Variants in FHIT observed in about 807,000 individuals in gnomAD.
FHIT encodes bis(5'-adenosyl)-triphosphatase.
In FHIT, 19 loss-of-function variants were observed where a neutral mutation model predicts 17.9. The observed-to-expected ratio is 1.06, with a 90% CI of 0.74 to 1.56. FHIT has a LOEUF of 1.56. FHIT is among the 40% of genes most tolerant of loss of function. The pLI is 0.00. For missense variants in FHIT, 248 were observed against 189.2 expected, an observed-to-expected ratio of 1.31 and a Z score of -1.82; for synonymous variants, 81 against 69.7, an observed-to-expected ratio of 1.16 and a Z score of -0.81.
intron 2 of FHIT, among the ~76,000 whole-genome samples, chr3:61,127,407 T>G (rs536293238): frequency 1.3e-5 from 2 of 152,256 alleles, no homozygotes; most frequent in South Asian, 4.2e-4. Context: ...CTCCAATTCT[T>G]AAACAGCAGA....
intron 8 of FHIT, among the ~76,000 whole-genome samples, chr3:59,805,805 G>A (rs750783097): frequency 2.0e-5 from 3 of 152,102 alleles, no homozygotes; most frequent in African/African-American, 4.8e-5. Context: ...TTCAATGAGG[G>A]TTAACCATGT....
At chr3:60,017,244 C>T (rs1042914833) in intron 5 of FHIT, among the ~76,000 whole-genome samples, 3 of 152,066 alleles carry the variant, frequency 2.0e-5, no homozygotes, top group Non-Finnish European at 4.4e-5. Flanking sequence ...AAACACCTAA[C>T]CTTGGAAAAA....
chr3:60,722,758 G>A (rs1243651936), intron 4 of FHIT, among the ~76,000 whole-genome samples: 1 of 144,998 alleles, frequency 6.9e-6, no homozygotes, highest in South Asian at 2.2e-4. Context: ...TGTTGACCAG[G>A]CTGGAATGCA....
At chr3:61,209,376 T>G (rs1345731405) in intron 1 of FHIT, among the ~76,000 whole-genome samples, 3 of 152,222 alleles carry the variant, frequency 2.0e-5, no homozygotes, top group African/African-American at 7.2e-5. Context: ...CTTGCTAGAT[T>G]GGGGAAGTTC....
chr3:60,541,342 G>C (rs1233040817), intron 4 of FHIT, among the ~76,000 whole-genome samples: 2 of 152,156 alleles, frequency 1.3e-5, no homozygotes, highest in African/African-American at 4.8e-5. Flanking sequence ...CAAGAATAAA[G>C]ATGGCAAATC....
chr3:60,681,391 T>C (rs1180890612), intron 4 of FHIT, among the ~76,000 whole-genome samples: 1 of 152,128 alleles, frequency 6.6e-6, no homozygotes, highest in East Asian at 1.9e-4. Flanking sequence ...GCTTCCCTAT[T>C]CCCTGAGACA....
At chr3:60,699,492 T>A (rs1347572636) in intron 4 of FHIT, among the ~76,000 whole-genome samples, 1 of 152,174 alleles carries the variant, frequency 6.6e-6, no homozygotes, top group African/African-American at 2.4e-5. Context: ...TTTACTGGTG[T>A]TTTATAACTC....
intron 5 of FHIT, among the ~76,000 whole-genome samples, chr3:60,464,982 TGA>T (rs1381832675): frequency 1.3e-5 from 2 of 152,168 alleles, no homozygotes; most frequent in African/African-American, 4.8e-5. Context: ...CAACAATGTA[TGA>T]GAGTTCACTT....
intron 3 of FHIT, among the ~76,000 whole-genome samples, chr3:60,867,287 C>T (rs1005348351): frequency 4.6e-5 from 7 of 152,144 alleles, no homozygotes; most frequent in African/African-American, 1.2e-4. Flanking sequence ...AAAAATATAG[C>T]TTGTCTGTTT....
intron 4 of FHIT, among the ~76,000 whole-genome samples, chr3:60,722,075 G>T (rs555440796): frequency 2.6e-5 from 4 of 152,168 alleles, no homozygotes; most frequent in Non-Finnish European, 5.9e-5. Flanking sequence ...AATACGAAAG[G>T]CTCAGAGATG....
At chr3:59,961,872 C>T (rs1707703115) in intron 7 of FHIT, among the ~76,000 whole-genome samples, 1 of 150,320 alleles carries the variant, frequency 6.7e-6, no homozygotes, top group South Asian at 2.1e-4. Flanking sequence ...ATCTTGACAG[C>T]CACCACCCCA....
intron 8 of FHIT, among the ~76,000 whole-genome samples, chr3:59,829,420 G>A (rs1701087780): frequency 6.6e-6 from 1 of 152,166 alleles, no homozygotes; most frequent in Non-Finnish European, 1.5e-5. Flanking sequence ...AGCCCAGGGA[G>A]CCCTCGAACT....
rs182426714 is a variant in FHIT at position 60,504,078 on chromosome 3, G to T, written c.103+32782C>A. ...CAAATGACCAGAAAAAAAGAATTGT[G>T]AAGTATATTCTCTAAATATAAGCAT... On this transcript the variant is annotated intron_variant, in intron 5 of 9. Coordinates refer to ENST00000492590, the MANE Select transcript of FHIT (RefSeq NM_002012.4). 1.2e-3 allele frequency among the ~76,000 whole-genome samples: 184 copies of T among 152,234 alleles called. 1 individual carries two copies. The highest frequency in any genetic ancestry group is 4.3e-3 in the African/African-American group (179 of 41,542).
At chr3:60,596,247 A>C (rs2107705282) in intron 4 of FHIT, 1 of 158,062 alleles carries the variant, frequency 6.3e-6, no homozygotes, top group South Asian at 2.0e-4. Context: ...CTTCTTCCCT[A>C]GGCCATTCTT....
chr3:60,966,097 C>T (rs1372612479), intron 3 of FHIT, among the ~76,000 whole-genome samples: 1 of 152,134 alleles, frequency 6.6e-6, no homozygotes, highest in Non-Finnish European at 1.5e-5. Context: ...CCATTTCGAG[C>T]TTCTAGGCCG....
chr3:60,785,928 C>CAGAGAG (rs1427559791), intron 4 of FHIT, among the ~76,000 whole-genome samples: 71 of 124,010 alleles, frequency 5.7e-4, no homozygotes, highest in African/African-American at 1.8e-3. Flanking sequence ...CACACACACA[C>CAGAGAG]ACACACAGAG....
At chr3:61,128,315 T>C (rs2106946643) in intron 2 of FHIT, among the ~76,000 whole-genome samples, 1 of 152,300 alleles carries the variant, frequency 6.6e-6, no homozygotes, top group African/African-American at 2.4e-5. Flanking sequence ...ACCAGGCATA[T>C]TACTTAACAT....
At chr3:60,036,760 A>T (rs1391132432) in intron 5 of FHIT, among the ~76,000 whole-genome samples, 2 of 152,004 alleles carry the variant, frequency 1.3e-5, no homozygotes, top group South Asian at 2.1e-4. Flanking sequence ...TGCCCAGTCA[A>T]CAGGTTTTGT....
intron 4 of FHIT, among the ~76,000 whole-genome samples, chr3:60,570,396 C>G (rs969057452): frequency 2.0e-5 from 3 of 152,114 alleles, no homozygotes; most frequent in Non-Finnish European, 4.4e-5. Flanking sequence ...TCTCCAGGCA[C>G]AGCATCCTCT....
Sources: allele counts gnomAD v4.1 joint callset (sites outside exome capture counted in the v4.1 genomes callset), GRCh38; gene constraint gnomAD v4.1.1; transcripts MANE v1.5; gene names NCBI Gene and HGNC (gene_info 2026-07-23, HGNC 2026-07-21).